Variants in STKLD1 observed in about 807,000 individuals in gnomAD.
STKLD1 encodes the protein serine/threonine kinase like domain containing 1.
STKLD1 carries 79 observed loss-of-function variants against 80.4 expected under a neutral mutation model. The ratio of observed to expected loss-of-function variants is 0.98; its 90% confidence interval spans 0.82 to 1.19. The LOEUF (loss-of-function observed/expected upper bound fraction) is 1.19, where lower values mean the gene tolerates loss of function less well. STKLD1 is among the 50% of genes most tolerant of loss of function. The pLI is 0.00. For missense variants in STKLD1, 841 were observed against 856.0 expected (o/e 0.98, Z 0.22); for synonymous variants, 393 against 357.6 (o/e 1.10, Z -1.12).
intron 1 of STKLD1, among the ~76,000 whole-genome samples, chr9:133,377,802 T>C (rs1200481821): frequency 6.6e-6 from 1 of 152,204 alleles, no homozygotes; most frequent in East Asian, 1.9e-4. Flanking sequence ...GTGCAGTTCA[T>C]TTCTATTATT....
chr9:133,391,347 A>T, intron 7 of STKLD1, among the ~76,000 whole-genome samples: 1 of 150,008 alleles, frequency 6.7e-6, no homozygotes, highest in Non-Finnish European at 1.5e-5. Context: ...CCCGGCCGCC[A>T]CCCCGTCTGG....
chr9:133,400,787 C>A (rs913641827), intron 12 of STKLD1, among the ~76,000 whole-genome samples: 9 of 152,222 alleles, frequency 5.9e-5, no homozygotes, highest in African/African-American at 2.2e-4. Context: ...CCATCCTGTG[C>A]CCATCAGACC....
rs1431184489 is a variant in STKLD1, at chr9:133,400,497, C to T, written c.1166C>T (p.Ala389Val). 6 of 1,613,088 alleles carry T rather than the reference C, an allele frequency of 3.7e-6. No homozygotes were observed. Among genetic ancestry groups the T allele is most frequent in the African/African-American group, 2.7e-5 (2 of 74,938 alleles). Residue 389 changes from alanine to valine, a missense_variant, in exon 12 of 18, where the codon GCC becomes GTC. Physicochemically the swap from Ala to Val is moderately conservative, Grantham distance 64. Transcript: ENST00000371957. ...HDRVLDVQLCACSLLLHLLGQ... is the reference protein window; with the variant it reads ...HDRVLDVQLCVCSLLLHLLGQ... The stretch of plus-strand genomic sequence containing the variant: ...AGGGTCCTCGATGTCCAGCTGTGTG[C>T]CTGCTCCCTGCTGCTGCACCTCCTG...
Position 133,383,890 on chromosome 9 carries a change from C to A in STKLD1, c.209C>A (p.Ala70Asp). 6.2e-7 allele frequency: 1 copy of A among 1,613,910 alleles called. No homozygotes were observed. The highest frequency in any genetic ancestry group is 8.5e-7 in the Non-Finnish European group (1 of 1,179,908). ...ECMDDHYASQ[A>D]LEELMPLLKL... ...ATGGATGACCATTACGCCAGTCAGGCCCTGGAGGAGGTAACTCTCAGGGTA... is the reference window on the plus strand; with the variant it reads ...ATGGATGACCATTACGCCAGTCAGGACCTGGAGGAGGTAACTCTCAGGGTA... The change falls in exon 3 of 18, where the codon GCC becomes GAC. Residue 70 changes from alanine to aspartate, a missense_variant. Coordinates refer to ENST00000371957, the MANE Select transcript of STKLD1 (RefSeq NM_153710.5).
chr9:133,399,329 G>A (rs950114527), intron 11 of STKLD1, among the ~76,000 whole-genome samples: 2 of 152,098 alleles, frequency 1.3e-5, no homozygotes, highest in African/African-American at 2.4e-5. Flanking sequence ...GCAGTGGCTC[G>A]GGCCTCAGAG....
chr9:133,383,252 G>GTGA (rs1838183734), intron 2 of STKLD1, among the ~76,000 whole-genome samples: 1 of 149,904 alleles, frequency 6.7e-6, no homozygotes. Context: ...GGTGATGGTG[G>GTGA]TGGTGTTGGA....
chr9:133,387,615 G>A, intron 5 of STKLD1, 67 bp downstream of exon 5: 3 of 1,309,502 alleles, frequency 2.3e-6, no homozygotes, highest in Non-Finnish European at 3.3e-6. Context: ...TGCGGTGCAG[G>A]GCAAAGTAAC....
At position 133,405,725 on chromosome 9, in the gene STKLD1, G is replaced by C. The variant is rs1162142633; in HGVS notation, c.*304G>C. 1 of 258,570 alleles carries C rather than the reference G, an allele frequency of 3.9e-6. No individual in the cohort carries two copies. Among genetic ancestry groups the C allele is most frequent in the Non-Finnish European group, 7.4e-6 (1 of 134,768 alleles). 16.0% of individuals were successfully genotyped at this position (258,570 alleles called of 1,614,324 possible). A position where few individuals can be genotyped will look rare whatever the true frequency, so the allele number is the denominator to read the frequency against. On this transcript the variant is annotated 3_prime_UTR_variant, in exon 18 of 18. Coordinates refer to ENST00000371957, the MANE Select transcript of STKLD1 (RefSeq NM_153710.5). ...GCCACCTCTCCCAGCCCACTGGGTG[G>C]GGAAGCAGCTCAGCCCTGATGCGGG... is the stretch of plus-strand genomic sequence containing the variant.
Position 133,404,793 on chromosome 9 carries a change from G to T in STKLD1, c.1737G>T (p.Leu579=). The stretch of plus-strand genomic sequence containing the variant: ...CCACTCCCACCCATCCCCCAGAGCT[G>T]GCGGCCTTCAAGGTGGTGGTGCAGG... The part of the protein sequence containing the change: ...GLASLVKVSE[L]AAFKVVVQEE... The change falls in exon 17 of 18, where the codon CTG becomes CTT. Residue 579 remains leucine (L), a synonymous_variant. Coordinates refer to ENST00000371957, the MANE Select transcript of STKLD1 (RefSeq NM_153710.5). 2 of 1,612,596 alleles carry T rather than the reference G, an allele frequency of 1.2e-6. No individual in the cohort carries two copies. The highest frequency in any genetic ancestry group is 1.7e-6 in the Non-Finnish European group (2 of 1,179,640).
At position 133,376,404 on chromosome 9, in the gene STKLD1, G is replaced by C. The variant is rs756245505; in HGVS notation, c.-70G>C. ...GCGCCGTTCGGGCGGGGAGGATCCC[G>C]CGGGTCCCACTGACCCACGCGGGGT... is the stretch of plus-strand genomic sequence containing the variant. On this transcript the variant is annotated 5_prime_UTR_variant, in exon 1 of 18. Transcript: ENST00000371957. The C allele has an allele frequency of 6.8e-7, 1 of 1,461,406 alleles. No homozygotes were observed. Among genetic ancestry groups the C allele is most frequent in the Admixed American group, 2.9e-5 (1 of 34,418 alleles). The allele number at this position is 1,461,406 out of a possible 1,614,324, so 90.5% of individuals were successfully genotyped here. A position where few individuals can be genotyped will look rare whatever the true frequency, so the allele number is the denominator to read the frequency against.
At chr9:133,396,527 G>A (rs1838569031) in intron 9 of STKLD1, among the ~76,000 whole-genome samples, 1 of 152,170 alleles carries the variant, frequency 6.6e-6, no homozygotes, top group Admixed American at 6.5e-5. Flanking sequence ...GCTGAGGTGG[G>A]TGGATCACTT....
chr9:133,379,193 TC>T, intron 2 of STKLD1, 71 bp downstream of exon 2: 1 of 1,341,774 alleles, frequency 7.5e-7, no homozygotes, highest in Non-Finnish European at 1.0e-6. Flanking sequence ...TACAAGCTCT[TC>T]CCATGTTGGA....
rs372995558 is a variant in STKLD1 at position 133,395,745 on chromosome 9, C to T, written c.848C>T (p.Ser283Leu). 28 of 1,613,412 alleles carry T rather than the reference C, an allele frequency of 1.7e-5. No individual in the cohort carries two copies. The highest frequency in any genetic ancestry group is 1.3e-4 in the East Asian group (6 of 44,880). Residue 283 changes from serine (S) to leucine (L), a missense_variant, in exon 9 of 18, where the codon TCG becomes TTG. Ser to Leu is a moderately radical substitution (Grantham distance 145). Transcript: ENST00000371957. ...CCCTTGATGCTCCAGATCGACCCCT[C>T]GGATCGAATAACGATAAAGTGAGCT... The part of the protein sequence containing the change: ...LLPLMLQIDP[S>L]DRITIKDVVH...
At chr9:133,379,959 G>T (rs1311826718) in intron 2 of STKLD1, among the ~76,000 whole-genome samples, 1 of 152,208 alleles carries the variant, frequency 6.6e-6, no homozygotes. Context: ...CTCCCTTGCT[G>T]GCTGGCTGTG....
intron 12 of STKLD1, 83 bp from the exon 13 acceptor site, chr9:133,401,655 C>G (rs977336663): frequency 1.4e-6 from 2 of 1,479,292 alleles, no homozygotes; most frequent in African/African-American, 1.4e-5. Flanking sequence ...GAGATGCTAT[C>G]CCCCAGCCTG....
At chr9:133,396,371 G>C (rs185241245) in intron 9 of STKLD1, among the ~76,000 whole-genome samples, 37 of 152,290 alleles carry the variant, frequency 2.4e-4, no homozygotes, top group African/African-American at 8.2e-4. Context: ...GGAGGCAGAG[G>C]TTGTTGCAGT....
chr9:133,380,735 G>C (rs1838109283), intron 2 of STKLD1, among the ~76,000 whole-genome samples: 1 of 152,054 alleles, frequency 6.6e-6, no homozygotes, highest in African/African-American at 2.4e-5. Flanking sequence ...GAGAGTGTAG[G>C]TAGGAGTTTA....
chr9:133,398,516 C>T (rs782064843), intron 11 of STKLD1, among the ~76,000 whole-genome samples: 6 of 152,286 alleles, frequency 3.9e-5, no homozygotes, highest in Non-Finnish European at 5.9e-5. Flanking sequence ...CAGTAGCTCA[C>T]GCCTGTAATC....
chr9:133,403,895 A>G (rs1838773661), intron 15 of STKLD1, 25 bp from the exon 16 acceptor site: 2 of 1,608,220 alleles, frequency 1.2e-6, no homozygotes, highest in Non-Finnish European at 1.7e-6. Context: ...CAGCAGGCAC[A>G]AGGCAGCCCG....
Sources: gnomAD v4.1 joint callset for allele counts (sites outside exome capture counted in the v4.1 genomes callset) on GRCh38, gnomAD v4.1.1 for gene constraint, MANE v1.5 for transcripts, NCBI Gene and HGNC (gene_info 2026-07-23, HGNC 2026-07-21) for gene names.